The following PIN4 variants were observed in gnomAD, a reference collection of about 807,000 sequenced individuals.
PIN4 encodes the protein peptidyl-prolyl cis-trans isomerase NIMA-interacting 4.
In PIN4, 3 loss-of-function variants were observed where a neutral mutation model predicts 8.3. That is an observed-to-expected ratio of 0.36 (90% confidence interval 0.16 to 0.93). PIN4 has a LOEUF of 0.93. Among genes scored for constraint, PIN4 ranks in the 40% least tolerant of loss-of-function variants. PIN4 has a pLI of 0.44. For missense variants in PIN4, 75 were observed against 100.6 expected, an observed-to-expected ratio of 0.75 and a Z score of 1.09; for synonymous variants, 18 against 32.5, an observed-to-expected ratio of 0.55 and a Z score of 1.52.
intron 2 of PIN4, among the ~76,000 whole-genome samples, chrX:72,187,501 A>T (rs1194840161): frequency 1.8e-5 from 2 of 112,011 alleles, no homozygotes; most frequent in Non-Finnish European, 3.8e-5. Context: ...TTTATTTAAT[A>T]AAAAAGTAAG....
intron 2 of PIN4, among the ~76,000 whole-genome samples, chrX:72,191,316 C>T (rs189568207): frequency 1.8e-5 from 2 of 110,934 alleles, no homozygotes; most frequent in East Asian, 2.8e-4. Context: ...TTTGGGAGCC[C>T]GAGGTGGGTG....
chrX:72,239,102 A>T (rs753241413), intron 3 of PIN4: 4 of 421,621 alleles, frequency 9.5e-6, no homozygotes, highest in South Asian at 4.0e-5. Flanking sequence ...ACGCGCTGCG[A>T]CGCCTCCGCC....
rs758612730 is a variant in PIN4, at chrX:72,186,683, C to CAAA, written c.117+149_117+150insAAA. ...TAACACAAAATTGTAGCTGGGCGCA[C>CAAA]CTGTAATCCCAGCACTTTGGGAGGC... On this transcript the variant is annotated intron_variant, in intron 2 of 3. Coordinates refer to ENST00000373669, the MANE Select transcript of PIN4 (RefSeq NM_006223.4). 153 of 457,622 alleles carry CAAA rather than the reference C, an allele frequency of 3.3e-4. 1 individual carries two copies. Among genetic ancestry groups the CAAA allele is most frequent in the African/African-American group, 3.2e-3 (132 of 40,977 alleles). 37.7% of individuals were successfully genotyped at this position (457,622 alleles called of 1,213,427 possible). A position where few individuals can be genotyped will look rare whatever the true frequency, so the allele number is the denominator to read the frequency against.
chrX:72,233,256 A>G (rs1157687060), intron 3 of PIN4, among the ~76,000 whole-genome samples: 1 of 112,127 alleles, frequency 8.9e-6, no homozygotes, highest in Non-Finnish European at 1.9e-5. Context: ...CCTTTAGTTT[A>G]AATTATAGGA....
At chrX:72,206,189 C>T in intron 3 of PIN4, 1 of 1,211,583 alleles carries the variant, frequency 8.3e-7, no homozygotes, top group South Asian at 1.8e-5. Context: ...TCCAGAGGAT[C>T]CTCTTGCAGT....
Position 72,236,906 on chromosome X carries a change from A to G in PIN4, c.313-25801A>G, listed in dbSNP as rs766082191. Among the ~76,000 whole-genome samples the G allele has an allele frequency of 2.0e-3, 221 of 112,543 alleles. 2 individuals are homozygous for G. The highest frequency in any genetic ancestry group is 6.9e-3 in the African/African-American group (215 of 31,013). On this transcript the variant is annotated intron_variant, in intron 3 of 3. Coordinates refer to the PIN4 transcript ENST00000423432. ...CATCTTTGCTCACTCATGTAAGTGT[A>G]TCTGTAGAAGAAAATACTACAAGTC... is the stretch of plus-strand genomic sequence containing the variant.
chrX:72,205,130 A>C, intron 3 of PIN4: 1 of 1,210,914 alleles, frequency 8.3e-7, no homozygotes, highest in Non-Finnish European at 1.1e-6. Flanking sequence ...ATTTTTCCAC[A>C]CTCTTTTAGT....
chrX:72,254,505 G>A (rs141955975), intron 3 of PIN4, among the ~76,000 whole-genome samples: 2 of 112,214 alleles, frequency 1.8e-5, no homozygotes, highest in Admixed American at 9.4e-5. Flanking sequence ...TTCAAAAGCC[G>A]CAATCGTCCT....
At chrX:72,188,950 G>C (rs183116410) in intron 2 of PIN4, among the ~76,000 whole-genome samples, 1 of 112,131 alleles carries the variant, frequency 8.9e-6, no homozygotes, top group Non-Finnish European at 1.9e-5. Context: ...GGTTAAATTT[G>C]TTTTTATAAA....
chrX:72,217,293 G>T (rs2042891968), intron 3 of PIN4, among the ~76,000 whole-genome samples: 1 of 111,915 alleles, frequency 8.9e-6, no homozygotes, highest in South Asian at 3.7e-4. Context: ...CTTCCTGCCT[G>T]CTTGTATTCT....
At chrX:72,229,364 T>C (rs150552170) in intron 3 of PIN4, among the ~76,000 whole-genome samples, 99 of 112,004 alleles carry the variant, frequency 8.8e-4, no homozygotes, top group African/African-American at 2.9e-3. Flanking sequence ...ATGGCCTAAC[T>C]TGTGCTGTGC....
chrX:72,219,317 G>T (rs1429295349), intron 3 of PIN4, among the ~76,000 whole-genome samples: 1 of 109,943 alleles, frequency 9.1e-6, no homozygotes, highest in East Asian at 2.9e-4. Flanking sequence ...ACTTTGTGAG[G>T]CCAAGGCGGG....
chrX:72,204,052 G>A (rs1019103360), intron 3 of PIN4, among the ~76,000 whole-genome samples: 2 of 112,179 alleles, frequency 1.8e-5, no homozygotes, highest in Non-Finnish European at 3.8e-5. Context: ...TCCAGGGCAA[G>A]CTACCAGTGA....
intron 3 of PIN4, among the ~76,000 whole-genome samples, chrX:72,248,159 G>A (rs751403578): frequency 1.8e-5 from 2 of 109,541 alleles, no homozygotes; most frequent in South Asian, 7.9e-4. Flanking sequence ...GTCCTCTGGT[G>A]ATTGGTTGCC....
chrX:72,240,883 T>C (rs2043046694), intron 3 of PIN4, among the ~76,000 whole-genome samples: 1 of 110,826 alleles, frequency 9.0e-6, no homozygotes, highest in South Asian at 3.8e-4. Context: ...TTAAGGCCTT[T>C]ATTAAGAGGC....
At chrX:72,240,404 C>A (rs190396998) in intron 3 of PIN4, among the ~76,000 whole-genome samples, 1 of 111,963 alleles carries the variant, frequency 8.9e-6, no homozygotes, top group Admixed American at 9.5e-5. Context: ...CCTCAAGACA[C>A]TAATTTAGCA....
At chrX:72,213,246 T>C (rs762792616) in intron 3 of PIN4, among the ~76,000 whole-genome samples, 75 of 111,552 alleles carry the variant, frequency 6.7e-4, no homozygotes, top group African/African-American at 2.4e-3. Flanking sequence ...TACCTTTAAA[T>C]ACAGGGCTTA....
chrX:72,193,741 C>T (rs1004117175), intron 2 of PIN4, among the ~76,000 whole-genome samples: 11 of 109,672 alleles, frequency 1.0e-4, no homozygotes, highest in Non-Finnish European at 1.5e-4. Context: ...CGTGGTGACA[C>T]GCGCCTGTAA....
chrX:72,234,163 C>T (rs1047880418), intron 3 of PIN4, among the ~76,000 whole-genome samples: 7 of 111,301 alleles, frequency 6.3e-5, no homozygotes, highest in South Asian at 3.7e-4. Context: ...AGTATTTCAG[C>T]GTGAAATGTC....
Sources: allele counts gnomAD v4.1 joint callset (sites outside exome capture counted in the v4.1 genomes callset), GRCh38; gene constraint gnomAD v4.1.1; transcripts MANE v1.5; gene names NCBI Gene and HGNC (gene_info 2026-07-23, HGNC 2026-07-21).